NTN4: variants seen among roughly 807,000 people sequenced by gnomAD.
NTN4 encodes netrin 4.
Under a neutral mutation model 73.6 loss-of-function variants are expected in NTN4, and 32 were observed. The observed-to-expected ratio is 0.44, with a 90% CI of 0.33 to 0.58. The LOEUF (loss-of-function observed/expected upper bound fraction) is 0.58. Ranked by LOEUF, NTN4 falls within the 20% of genes least tolerant of loss-of-function variation. The pLI is 0.04. For synonymous variants in NTN4, 258 were observed against 287.5 expected, an observed-to-expected ratio of 0.90 and a Z score of 1.04; for missense variants, 654 against 798.3, an observed-to-expected ratio of 0.82 and a Z score of 2.18.
At chr12:95,768,769 A>G (rs1423451876) in intron 2 of NTN4, among the ~76,000 whole-genome samples, 1 of 152,228 alleles carries the variant, frequency 6.6e-6, no homozygotes, top group Non-Finnish European at 1.5e-5. Flanking sequence ...AATTACGCAG[A>G]AGAAAAATAA....
intron 8 of NTN4, among the ~76,000 whole-genome samples, chr12:95,668,825 G>C (rs1236188309): frequency 1.3e-5 from 2 of 150,750 alleles, no homozygotes; most frequent in Non-Finnish European, 2.9e-5. Context: ...CCCCATCTCT[G>C]CTAAAAATAC....
At chr12:95,760,680 CTTT>C (rs11308260) in intron 2 of NTN4, among the ~76,000 whole-genome samples, 2 of 130,774 alleles carry the variant, frequency 1.5e-5, no homozygotes, top group African/African-American at 2.9e-5. Context: ...ATTGTATCAT[CTTT>C]TTTTTTTTTT....
chr12:95,761,480 G>A lies in NTN4; in HGVS notation c.586-23336C>T, dbSNP rs192534184. On this transcript the variant is annotated intron_variant, in intron 2 of 9. Transcript: ENST00000343702. ...AGAGTAGCTGGGGTTACAGGCACTC[G>A]TCACCATGCCCAGCTAATTTTTTTG... 2.2e-3 allele frequency among the ~76,000 whole-genome samples: 338 copies of A among 151,930 alleles called. 3 individuals carry two copies. The highest frequency in any genetic ancestry group is 7.2e-3 in the African/African-American group (300 of 41,436).
chr12:95,713,395 A>T, intron 3 of NTN4, 57 bp from the exon 4 acceptor site: 4 of 1,491,084 alleles, frequency 2.7e-6, no homozygotes, highest in Non-Finnish European at 3.6e-6. Flanking sequence ...GAAGAACAGA[A>T]CATGCTTCCC....
chr12:95,672,658 C>T, intron 7 of NTN4: 1 of 1,494,298 alleles, frequency 6.7e-7, no homozygotes, highest in South Asian at 1.1e-5. Context: ...GGAGGTGCTC[C>T]TATGATGTCC....
At chr12:95,784,657 C>T (rs566182986) in intron 2 of NTN4, among the ~76,000 whole-genome samples, 1 of 152,044 alleles carries the variant, frequency 6.6e-6, no homozygotes, top group South Asian at 2.1e-4. Context: ...ATCCCAGGTA[C>T]TCAGGAGGCT....
intron 5 of NTN4, among the ~76,000 whole-genome samples, chr12:95,696,501 A>G (rs2078443354): frequency 6.6e-6 from 1 of 152,198 alleles, no homozygotes; most frequent in Non-Finnish European, 1.5e-5. Flanking sequence ...GGGCTAGAGG[A>G]TAGGAACCAC....
chr12:95,788,637 T>C (rs927539016), intron 1 of NTN4, among the ~76,000 whole-genome samples: 1 of 152,222 alleles, frequency 6.6e-6, no homozygotes, highest in African/African-American at 2.4e-5. Flanking sequence ...GGAGGCCAAA[T>C]GACAGCTTAG....
At chr12:95,679,388 A>G (rs562472539) in intron 7 of NTN4, among the ~76,000 whole-genome samples, 2 of 152,314 alleles carry the variant, frequency 1.3e-5, no homozygotes, top group Admixed American at 1.3e-4. Flanking sequence ...ATTACAGATA[A>G]TGGCCTCAGC....
intron 2 of NTN4, among the ~76,000 whole-genome samples, chr12:95,746,606 C>T (rs1565905504): frequency 6.6e-6 from 1 of 152,288 alleles, no homozygotes; most frequent in East Asian, 1.9e-4. Context: ...TTGAACAGTT[C>T]TCAGCTGGAG....
chr12:95,668,460 G>A (rs936977831), intron 8 of NTN4, among the ~76,000 whole-genome samples: 5 of 122,226 alleles, frequency 4.1e-5, no homozygotes, highest in South Asian at 6.5e-4. Flanking sequence ...TTTATTGAGC[G>A]CTGTACATTT....
rs552045270 is a variant in NTN4 at position 95,658,499 on chromosome 12, T to A, written c.*587A>T. On this transcript the variant is annotated 3_prime_UTR_variant, in exon 10 of 10. Transcript: ENST00000343702. ...GGCAGTGCTGCTGCTTCAGTAGGCT[T>A]TCTCACACACCCTTTTCCTTCTTTC... is the stretch of plus-strand genomic sequence containing the variant. 6.5e-6 allele frequency: 1 copy of A among 152,784 alleles called. No homozygotes were observed. The highest frequency in any genetic ancestry group is 1.9e-4 in the East Asian group (1 of 5,186). 9.5% of individuals were successfully genotyped at this position (152,784 alleles called of 1,614,324 possible).
At chr12:95,693,135 C>A (rs950483926) in intron 5 of NTN4, among the ~76,000 whole-genome samples, 2 of 152,086 alleles carry the variant, frequency 1.3e-5, no homozygotes, top group Middle Eastern at 3.4e-3. Flanking sequence ...ATGCTAGGGG[C>A]CGAAGATACA....
chr12:95,669,883 G>A (rs1296497493), intron 8 of NTN4, among the ~76,000 whole-genome samples, 195 bp downstream of exon 8: 1 of 152,108 alleles, frequency 6.6e-6, no homozygotes, highest in Non-Finnish European at 1.5e-5. Flanking sequence ...TGTCCTCCCT[G>A]GGACATCCAT....
chr12:95,737,754 G>T, intron 3 of NTN4, 112 bp downstream of exon 3: 2 of 1,003,266 alleles, frequency 2.0e-6, no homozygotes, highest in Non-Finnish European at 1.5e-6. Flanking sequence ...TCGGAGCTGT[G>T]ATGGGCAGAG....
At chr12:95,750,652 C>T (rs1565907035) in intron 2 of NTN4, among the ~76,000 whole-genome samples, 1 of 152,140 alleles carries the variant, frequency 6.6e-6, no homozygotes, top group Non-Finnish European at 1.5e-5. Flanking sequence ...CAACTCGTCC[C>T]AAATCTTCCT....
At chr12:95,712,634 C>T (rs1169338174) in intron 4 of NTN4, among the ~76,000 whole-genome samples, 1 of 151,998 alleles carries the variant, frequency 6.6e-6, no homozygotes. Flanking sequence ...CAGAGTTTCC[C>T]TCTGTCACCC....
At chr12:95,769,548 ACC>A (rs2079041852) in intron 2 of NTN4, among the ~76,000 whole-genome samples, 1 of 49,644 alleles carries the variant, frequency 2.0e-5, no homozygotes, top group South Asian at 1.1e-3. Context: ...AGATTTATAG[ACC>A]AAAAAAAAAA....
chr12:95,666,718 T>G (rs1056324347), intron 8 of NTN4, among the ~76,000 whole-genome samples: 1 of 152,214 alleles, frequency 6.6e-6, no homozygotes, highest in Non-Finnish European at 1.5e-5. Flanking sequence ...TTTAATGTTA[T>G]GATAGAGAGA....
Sources: allele counts gnomAD v4.1 joint callset (sites outside exome capture counted in the v4.1 genomes callset), GRCh38; gene constraint gnomAD v4.1.1; transcripts MANE v1.5; gene names NCBI Gene and HGNC (gene_info 2026-07-23, HGNC 2026-07-21).